ZNF727: variants seen among roughly 807,000 people sequenced by gnomAD.
The protein encoded by ZNF727 is zinc finger protein 727, also known as putative zinc finger protein 727.
ZNF727 carries 11 observed loss-of-function variants against 11.5 expected under a neutral mutation model. The observed-to-expected ratio is 0.95, with a 90% CI of 0.60 to 1.58. The LOEUF is 1.58. Among genes scored for constraint, ZNF727 ranks in the 40% most tolerant of loss-of-function variants. ZNF727 has a pLI of 0.00. For synonymous variants in ZNF727, 171 were observed against 196.1 expected, an observed-to-expected ratio of 0.87 and a Z score of 1.07; for missense variants, 533 against 581.7, an observed-to-expected ratio of 0.92 and a Z score of 0.86.
intron 1 of ZNF727, among the ~76,000 whole-genome samples, chr7:64,057,248 A>G (rs1320403764): frequency 1.3e-5 from 2 of 152,210 alleles, no homozygotes; most frequent in African/African-American, 4.8e-5. Context: ...TAGGCAGTAT[A>G]CTGTTTTAAA....
At chr7:64,075,867 T>G (rs1412998111) in intron 3 of ZNF727, among the ~76,000 whole-genome samples, 2 of 152,160 alleles carry the variant, frequency 1.3e-5, no homozygotes, top group Non-Finnish European at 2.9e-5. Flanking sequence ...CCATGTAGCC[T>G]CTGAACATGT....
At chr7:64,069,361 C>G (rs1789922987) in intron 2 of ZNF727, among the ~76,000 whole-genome samples, 153 bp from the exon 3 acceptor site, 1 of 152,004 alleles carries the variant, frequency 6.6e-6, no homozygotes, top group Admixed American at 6.6e-5. Context: ...AATTTACTTT[C>G]TAAATATTCT....
chr7:64,071,798 T>C (rs909165419), intron 3 of ZNF727, among the ~76,000 whole-genome samples: 2 of 152,106 alleles, frequency 1.3e-5, no homozygotes, highest in African/African-American at 4.8e-5. Flanking sequence ...ATTCTTTTAC[T>C]TCTGGGTATT....
chr7:64,059,107 G>A (rs1789731884), intron 1 of ZNF727, among the ~76,000 whole-genome samples: 1 of 152,004 alleles, frequency 6.6e-6, no homozygotes, highest in South Asian at 2.1e-4. Context: ...ACCACACCCT[G>A]CTAATTTTTG....
chr7:64,073,731 T>A (rs1400668662), intron 3 of ZNF727, among the ~76,000 whole-genome samples: 1 of 152,162 alleles, frequency 6.6e-6, no homozygotes, highest in African/African-American at 2.4e-5. Flanking sequence ...AAACATGTTC[T>A]CAGTTGTCTT....
chr7:64,056,896 C>G (rs1789693795), intron 1 of ZNF727, among the ~76,000 whole-genome samples: 1 of 152,108 alleles, frequency 6.6e-6, no homozygotes, highest in South Asian at 2.1e-4. Flanking sequence ...CTGGTGCAAA[C>G]CACAGTTTTG....
At chr7:64,048,353 C>T (rs933843010) in intron 1 of ZNF727, among the ~76,000 whole-genome samples, 5 of 152,136 alleles carry the variant, frequency 3.3e-5, no homozygotes, top group African/African-American at 4.8e-5. Flanking sequence ...CAAACAGAAT[C>T]CCAGGGCTTA....
Position 64,078,205 on chromosome 7 carries a change from C to T in ZNF727, c.1156C>T (p.His386Tyr), listed in dbSNP as rs1423281483. 6.9e-6 allele frequency: 11 copies of T among 1,603,436 alleles called. No homozygotes were observed. Among genetic ancestry groups the T allele is most frequent in the Non-Finnish European group, 9.4e-6 (11 of 1,174,664 alleles). Reference sequence around the variant, plus strand: ...TAAGTGGTTCTCAGACCTGACTAATCATAAGAGAATTCACACTGGAGAGAA... The same window carrying T: ...TAAGTGGTTCTCAGACCTGACTAATTATAAGAGAATTCACACTGGAGAGAA... ...TFKWFSDLTNHKRIHTGEKPY... is the reference protein window; with the variant it reads ...TFKWFSDLTNYKRIHTGEKPY... Residue 386 changes from histidine (H) to tyrosine (Y), a missense_variant, in exon 4 of 4, where the codon CAT becomes TAT. This residue lies in a region of ZNF727 where 463 missense variants were observed against 494.5 expected (regional missense o/e 0.94). Coordinates refer to ENST00000456806, the MANE Select transcript of ZNF727 (RefSeq NM_001159522.3).
chr7:64,050,782 G>A (rs201343385), intron 1 of ZNF727, among the ~76,000 whole-genome samples: 3,247 of 128,246 alleles, frequency 0.025, 42 homozygotes, highest in African/African-American at 0.041. Flanking sequence ...ATGTATGTGT[G>A]TGTGTGTGTG....
chr7:64,051,416 A>T (rs892907202), intron 1 of ZNF727, among the ~76,000 whole-genome samples: 1 of 152,220 alleles, frequency 6.6e-6, no homozygotes, highest in African/African-American at 2.4e-5. Context: ...CCATCTGCCC[A>T]CAAAGGCCAG....
rs1449754720 is a variant in ZNF727 at position 64,056,469 on chromosome 7, TAAA to T, written c.3+10848_3+10850del. ...ATGGCCTGAAACTTATCCCAACAAT[TAAA>T]AAGTCAACTTTTATAAGTTACACAG... On this transcript the variant is annotated intron_variant, in intron 1 of 3. Coordinates refer to ENST00000456806, the MANE Select transcript of ZNF727 (RefSeq NM_001159522.3). Among the ~76,000 whole-genome samples the T allele has an allele frequency of 4.6e-5, 7 of 152,272 alleles. No homozygotes were observed. The East Asian group carries it at 1.4e-3, about 29-fold the overall frequency.
chr7:64,077,779 A>G lies in ZNF727; in HGVS notation c.730A>G (p.Thr244Ala), dbSNP rs1431957550. Residue 244 changes from threonine to alanine, a missense_variant, in exon 4 of 4, where the codon ACT becomes GCT. Transcript: ENST00000456806. ...AACATTTACCTGTTCCTCAGCCCTT[A>G]CTAAACACAAGAGAAATCATACTGG... is the stretch of plus-strand genomic sequence containing the variant. ...GKTFTCSSAL[T>A]KHKRNHTGDR... 1.3e-6 allele frequency: 2 copies of G among 1,574,604 alleles called. No individual in the cohort carries two copies. The highest frequency in any genetic ancestry group is 1.4e-5 in the African/African-American group (1 of 73,614).
In ZNF727 at chr7:64,084,474, C is replaced by T. The variant is rs1346616576; in HGVS notation, c.*5925C>T. Among the ~76,000 whole-genome samples the T allele has an allele frequency of 1.3e-5, 2 of 152,296 alleles. No individual in the cohort carries two copies. The highest frequency in any genetic ancestry group is 3.9e-4 in the East Asian group (2 of 5,186). ...TAGGTCAACAGATGGTAACAATATACTATTGTGTGACTGTGGAATAACATC... is the reference window on the plus strand; with the variant it reads ...TAGGTCAACAGATGGTAACAATATATTATTGTGTGACTGTGGAATAACATC... On this transcript the variant is annotated 3_prime_UTR_variant, in exon 4 of 4. Coordinates refer to ENST00000456806, the MANE Select transcript of ZNF727 (RefSeq NM_001159522.3).
intron 1 of ZNF727, among the ~76,000 whole-genome samples, chr7:64,067,887 C>T (rs111653633): frequency 0.033 from 4,199 of 127,486 alleles, 78 homozygotes; most frequent in Admixed American, 0.069. Context: ...ACATGTATCC[C>T]AGAACTTAAA....
chr7:64,053,856 A>G (rs1034849843), intron 1 of ZNF727, among the ~76,000 whole-genome samples: 1 of 152,210 alleles, frequency 6.6e-6, no homozygotes, highest in Non-Finnish European at 1.5e-5. Context: ...TGGGCGGGAC[A>G]TGACTGCTTC....
At chr7:64,056,835 C>G (rs1789693028) in intron 1 of ZNF727, among the ~76,000 whole-genome samples, 1 of 152,080 alleles carries the variant, frequency 6.6e-6, no homozygotes, top group Non-Finnish European at 1.5e-5. Context: ...AGTCTTTAAC[C>G]ACACTGTTTA....
At chr7:64,068,526 A>G (rs1415401683) in intron 1 of ZNF727, among the ~76,000 whole-genome samples, 1 of 152,174 alleles carries the variant, frequency 6.6e-6, no homozygotes, top group Non-Finnish European at 1.5e-5. Context: ...GTTTATTGCT[A>G]TGCACAATAA....
intron 1 of ZNF727, among the ~76,000 whole-genome samples, chr7:64,067,778 C>T (rs962438517): frequency 1.3e-5 from 2 of 152,000 alleles, no homozygotes; most frequent in African/African-American, 4.8e-5. Flanking sequence ...AGGACAAATA[C>T]CTAACACATG....
In ZNF727 at chr7:64,082,272, A is replaced by T. The variant is rs1325613713; in HGVS notation, c.*3723A>T. ...ATTGGCTAGTGGCCCAGGCCTGGAG[A>T]ACTTGCCCAGTGAGAATATATGAGA... On this transcript the variant is annotated 3_prime_UTR_variant, in exon 4 of 4. Transcript: ENST00000456806. Among the ~76,000 whole-genome samples the T allele has an allele frequency of 1.3e-5, 2 of 152,078 alleles. No homozygotes were observed. The highest frequency in any genetic ancestry group is 1.3e-4 in the Admixed American group (2 of 15,274).
Sources: allele counts gnomAD v4.1 joint callset (sites outside exome capture counted in the v4.1 genomes callset), GRCh38; gene constraint gnomAD v4.1.1; regional missense constraint gnomAD v4.1.1; transcripts MANE v1.5; gene names NCBI Gene and HGNC (gene_info 2026-07-23, HGNC 2026-07-21).